The following ADAMTSL3 variants were observed in gnomAD, a reference collection of about 807,000 sequenced individuals.
ADAMTSL3 encodes ADAMTS-like protein 3.
In ADAMTSL3, 128 loss-of-function variants were observed where a neutral mutation model predicts 201.7. That is an observed-to-expected ratio of 0.63 (90% confidence interval 0.55 to 0.73). The LOEUF (loss-of-function observed/expected upper bound fraction) is 0.73. ADAMTSL3 is among the 30% of genes least tolerant of loss of function. The pLI, the probability that ADAMTSL3 is intolerant of heterozygous loss-of-function variation, is 0.00. For missense variants in ADAMTSL3, 1,990 were observed against 2,119.6 expected (o/e 0.94, Z 1.20); for synonymous variants, 738 against 748.4 (o/e 0.99, Z 0.23).
intron 5 of ADAMTSL3, among the ~76,000 whole-genome samples, chr15:83,813,414 A>G (rs1207804885): frequency 1.3e-5 from 2 of 152,212 alleles, no homozygotes; most frequent in Non-Finnish European, 2.9e-5. Context: ...AGAAGACACT[A>G]AAGAAAAAAA....
intron 5 of ADAMTSL3, among the ~76,000 whole-genome samples, chr15:83,811,799 A>T (rs2063703083): frequency 6.6e-6 from 1 of 152,214 alleles, no homozygotes; most frequent in South Asian, 2.1e-4. Flanking sequence ...ATATAGCATC[A>T]GTTGCTATGC....
intron 16 of ADAMTSL3, among the ~76,000 whole-genome samples, chr15:83,921,453 A>G (rs2066141357): frequency 6.6e-6 from 1 of 152,192 alleles, no homozygotes; most frequent in Non-Finnish European, 1.5e-5. Flanking sequence ...TGATTGGCAC[A>G]TAAAAGGCTC....
chr15:83,822,358 C>T (rs1305401167), intron 6 of ADAMTSL3, among the ~76,000 whole-genome samples: 2 of 145,434 alleles, frequency 1.4e-5, no homozygotes, highest in Non-Finnish European at 3.0e-5. Context: ...ACTTCTCAGA[C>T]GGGGCGGCTG....
intron 6 of ADAMTSL3, among the ~76,000 whole-genome samples, chr15:83,823,124 G>T (rs1033764873): frequency 2.7e-5 from 4 of 150,050 alleles, no homozygotes; most frequent in South Asian, 4.3e-4. Context: ...CAGGGAGGTT[G>T]CAGTGAGCCG....
chr15:83,739,868 A>G lies in ADAMTSL3; in HGVS notation c.190-33655A>G. On this transcript the variant is annotated intron_variant, in intron 3 of 29. Coordinates refer to ENST00000286744, the MANE Select transcript of ADAMTSL3 (RefSeq NM_207517.3). ...CTGGGAGTTCTACTGCCTGGAACAC[A>G]GCATCCTGCCTGACGACCAGATGCC... 8.3e-6 allele frequency: 5 copies of G among 601,088 alleles called. 1 individual carries two copies. The highest frequency in any genetic ancestry group is 9.6e-6 in the Non-Finnish European group (3 of 312,186). 37.2% of individuals were successfully genotyped at this position (601,088 alleles called of 1,614,324 possible).
intron 26 of ADAMTSL3, among the ~76,000 whole-genome samples, chr15:84,023,782 A>C (rs550845946): frequency 3.8e-4 from 58 of 152,330 alleles, no homozygotes; most frequent in African/African-American, 1.4e-3. Flanking sequence ...GAGATCATCT[A>C]ATCCCAGATC....
intron 3 of ADAMTSL3, among the ~76,000 whole-genome samples, chr15:83,731,662 C>A (rs546664433): frequency 6.6e-6 from 1 of 151,810 alleles, no homozygotes; most frequent in Non-Finnish European, 1.5e-5. Context: ...ACTTAAGTGT[C>A]CATTGATAGA....
chr15:83,782,005 G>A (rs1025194342), intron 4 of ADAMTSL3, among the ~76,000 whole-genome samples: 1 of 152,200 alleles, frequency 6.6e-6, no homozygotes, highest in African/African-American at 2.4e-5. Flanking sequence ...GTGGAAGACA[G>A]TGTAGTGACT....
chr15:83,994,040 G>C (rs964692369), intron 23 of ADAMTSL3, among the ~76,000 whole-genome samples: 24 of 152,288 alleles, frequency 1.6e-4, no homozygotes, highest in Non-Finnish European at 3.5e-4. Flanking sequence ...CTCCTCTTTA[G>C]TCTGTAAGGA....
At chr15:84,014,778 T>C in intron 24 of ADAMTSL3, 54 bp downstream of exon 24, 1 of 1,509,878 alleles carries the variant, frequency 6.6e-7, no homozygotes, top group Non-Finnish European at 8.9e-7. Context: ...ATGCACAAAG[T>C]AGGCCCCAGT....
chr15:83,898,884 A>C (rs1032040760), intron 14 of ADAMTSL3, among the ~76,000 whole-genome samples: 3 of 152,160 alleles, frequency 2.0e-5, no homozygotes, highest in Admixed American at 6.5e-5. Flanking sequence ...AATATTTTTG[A>C]GTACGTCTAT....
intron 7 of ADAMTSL3, among the ~76,000 whole-genome samples, chr15:83,839,512 A>G (rs1244600396): frequency 1.3e-5 from 2 of 152,170 alleles, no homozygotes; most frequent in Non-Finnish European, 2.9e-5. Context: ...TGGTTAGGTT[A>G]GTGTTTTAGT....
chr15:83,753,119 G>C (rs1007220574), intron 3 of ADAMTSL3, among the ~76,000 whole-genome samples: 1 of 152,180 alleles, frequency 6.6e-6, no homozygotes, highest in Admixed American at 6.5e-5. Context: ...AACTTTGCTT[G>C]ACCTGCAAAA....
At position 83,838,159 on chromosome 15, in the gene ADAMTSL3, G is replaced by T; in HGVS notation, c.671G>T (p.Gly224Val). 1 of 1,612,998 alleles carries T rather than the reference G, an allele frequency of 6.2e-7. No homozygotes were observed. The highest frequency in any genetic ancestry group is 2.2e-5 in the East Asian group (1 of 44,786). Reference sequence around the variant, plus strand: ...AACTGTGGAGTCTGTGCCGGCGATGGCTCCACCTGCAGGCTTGTACGGGGA... The same window carrying T: ...AACTGTGGAGTCTGTGCCGGCGATGTCTCCACCTGCAGGCTTGTACGGGGA... ...EDNCGVCAGDGSTCRLVRGQS... is the reference protein window; with the variant it reads ...EDNCGVCAGDVSTCRLVRGQS... The change falls in exon 7 of 30, where the codon GGC becomes GTC. Residue 224 changes from glycine to valine, a missense_variant. Gly to Val is a moderately radical substitution (Grantham distance 109). Coordinates refer to ENST00000286744, the MANE Select transcript of ADAMTSL3 (RefSeq NM_207517.3).
At chr15:83,994,586 G>GTTT (rs3045402) in intron 23 of ADAMTSL3, among the ~76,000 whole-genome samples, 83 of 50,230 alleles carry the variant, frequency 1.7e-3, no homozygotes, top group African/African-American at 5.7e-3. Flanking sequence ...TTGTTTTTTC[G>GTTT]TTTTTTTTTT....
rs1596565399 is a variant in ADAMTSL3, at chr15:84,037,681, A to C, written c.4970-19A>C. 2.5e-6 allele frequency: 4 copies of C among 1,581,488 alleles called. No homozygotes were observed. The East Asian group carries it at 8.9e-5, about 35-fold the overall frequency. ...CTCTAATAAGCTATATGTTACAGATATTTGTTTCTTTTTTGCAGGAGACTG... is the reference window on the plus strand; with the variant it reads ...CTCTAATAAGCTATATGTTACAGATCTTTGTTTCTTTTTTGCAGGAGACTG... On this transcript the variant is annotated intron_variant, in intron 29 of 29. Transcript: ENST00000286744.
intron 3 of ADAMTSL3, among the ~76,000 whole-genome samples, 199 bp from the exon 4 acceptor site, chr15:83,773,324 C>T (rs1252856167): frequency 6.6e-6 from 1 of 151,832 alleles, no homozygotes. Context: ...AGGAGAATTG[C>T]TTGAACCCAG....
intron 3 of ADAMTSL3, among the ~76,000 whole-genome samples, chr15:83,728,470 G>A (rs917447877): frequency 6.6e-6 from 1 of 150,892 alleles, no homozygotes; most frequent in Non-Finnish European, 1.5e-5. Context: ...ATTTTCTCTG[G>A]TGGTATAATT....
In ADAMTSL3 at chr15:83,982,792, T is replaced by C; in HGVS notation, c.3164T>C (p.Phe1055Ser). ...LDDDHISNQP[F>S]LRALLGHCSN... ...GATGACCACATTAGTAACCAGCCTTTCTTGAGAGCTCTGTTAGGCCACTGC... is the reference window on the plus strand; with the variant it reads ...GATGACCACATTAGTAACCAGCCTTCCTTGAGAGCTCTGTTAGGCCACTGC... The change falls in exon 21 of 30, where the codon TTC (phenylalanine) becomes TCC (serine). Residue 1055 changes from phenylalanine to serine, a missense_variant. Phe to Ser is a radical substitution (Grantham distance 155). Coordinates refer to ENST00000286744, the MANE Select transcript of ADAMTSL3 (RefSeq NM_207517.3). 6.2e-7 allele frequency: 1 copy of C among 1,614,120 alleles called. No individual in the cohort carries two copies. Among genetic ancestry groups the C allele is most frequent in the Non-Finnish European group, 8.5e-7 (1 of 1,180,032 alleles).
Sources: allele counts gnomAD v4.1 joint callset (sites outside exome capture counted in the v4.1 genomes callset), GRCh38; gene constraint gnomAD v4.1.1; transcripts MANE v1.5; gene names NCBI Gene and HGNC (gene_info 2026-07-23, HGNC 2026-07-21).